MTREX: variants seen among roughly 807,000 people sequenced by gnomAD.
MTREX encodes the protein exosome RNA helicase MTR4.
Under a neutral mutation model 135.4 loss-of-function variants are expected in MTREX, and 76 were observed. The observed-to-expected ratio is 0.56, with a 90% CI of 0.47 to 0.68. The LOEUF is 0.68. MTREX is among the 30% of genes least tolerant of loss of function. MTREX has a pLI of 0.00. For synonymous variants in MTREX, 404 were observed against 401.6 expected, an observed-to-expected ratio of 1.01 and a Z score of -0.07; for missense variants, 920 against 1,262.1, an observed-to-expected ratio of 0.73 and a Z score of 4.11.
chr5:55,367,215 A>G (rs1014631599), intron 16 of MTREX, among the ~76,000 whole-genome samples: 5 of 152,166 alleles, frequency 3.3e-5, no homozygotes, highest in African/African-American at 1.2e-4. Context: ...GGCTGGGCGC[A>G]GTGGCTCATG....
chr5:55,321,087 T>C (rs1328935680), intron 1 of MTREX, among the ~76,000 whole-genome samples: 1 of 152,236 alleles, frequency 6.6e-6, no homozygotes, highest in East Asian at 1.9e-4. Context: ...CTCATGTTAA[T>C]ATGTAGTGGT....
Position 55,345,061 on chromosome 5 carries a change from G to A in MTREX, c.1006-33G>A, listed in dbSNP as rs190825792. ...ATGTTTGAATTATGATTAAGTATTA[G>A]TGAAGTTACACAGAAAAAATTTGTG... On this transcript the variant is annotated intron_variant, in intron 9 of 26. Transcript: ENST00000230640. The A allele has an allele frequency of 3.5e-3, 4,425 of 1,270,264 alleles. 7 individuals are homozygous for A. Among genetic ancestry groups the A allele is most frequent in the Non-Finnish European group, 4.5e-3 (3,966 of 877,536 alleles). The allele number at this position is 1,270,264 out of a possible 1,614,324, so 78.7% of individuals were successfully genotyped here.
At chr5:55,392,541 TAAAAAA>T in intron 19 of MTREX, among the ~76,000 whole-genome samples, 1 of 114,532 alleles carries the variant, frequency 8.7e-6, no homozygotes, top group East Asian at 2.6e-4. Flanking sequence ...GGGCTCTGTC[TAAAAAA>T]AAAAAAAAAA....
rs1381531726 is a variant in MTREX at position 55,405,535 on chromosome 5, T to TACTTCTTCTGATGTA, written c.2594_2608dup (p.Thr865_Val869dup). On this transcript the variant is annotated inframe_insertion, in exon 22 of 27. Coordinates refer to ENST00000230640, the MANE Select transcript of MTREX (RefSeq NM_015360.5). Reference sequence around the variant, plus strand: ...GTGTTTTAAGAAGGTTGGGATTTGCTACTTCTTCTGATGTAATAGAGATGA... The same window carrying TACTTCTTCTGATGTA: ...GTGTTTTAAGAAGGTTGGGATTTGCTACTTCTTCTGATGTAACTTCTTCTGATGTAATAGAGATGA... The TACTTCTTCTGATGTA allele has an allele frequency of 6.2e-7, 1 of 1,613,906 alleles. No homozygotes were observed. Among genetic ancestry groups the TACTTCTTCTGATGTA allele is most frequent in the Non-Finnish European group, 8.5e-7 (1 of 1,179,800 alleles).
At chr5:55,335,570 T>C (rs1749540923) in intron 5 of MTREX, among the ~76,000 whole-genome samples, 1 of 152,084 alleles carries the variant, frequency 6.6e-6, no homozygotes, top group Non-Finnish European at 1.5e-5. Flanking sequence ...CTTTTCCCAT[T>C]GAATTGAATT....
intron 14 of MTREX, 145 bp from the exon 15 acceptor site, chr5:55,358,428 C>G (rs888011937): frequency 4.4e-6 from 3 of 678,156 alleles, no homozygotes; most frequent in Non-Finnish European, 6.8e-6. Flanking sequence ...GACTTTAACT[C>G]TTCTCAAACT....
intron 5 of MTREX, among the ~76,000 whole-genome samples, chr5:55,335,147 G>A (rs1467136036): frequency 6.6e-6 from 1 of 151,960 alleles, no homozygotes; most frequent in Non-Finnish European, 1.5e-5. Context: ...GTTTATTTCA[G>A]TCTTGCTGAT....
At chr5:55,420,174 A>G (rs1445988441) in intron 25 of MTREX, among the ~76,000 whole-genome samples, 1 of 142,870 alleles carries the variant, frequency 7.0e-6, no homozygotes, top group Non-Finnish European at 1.6e-5. Context: ...AGCGGCAAGT[A>G]GTTGCAAGAT....
chr5:55,349,372 A>G (rs1749788567), intron 11 of MTREX, among the ~76,000 whole-genome samples: 1 of 151,930 alleles, frequency 6.6e-6, no homozygotes, highest in African/African-American at 2.4e-5. Flanking sequence ...TATTTTTTGT[A>G]GAGACAGGGC....
At chr5:55,312,195 T>A (rs1257191307) in intron 1 of MTREX, among the ~76,000 whole-genome samples, 1 of 152,158 alleles carries the variant, frequency 6.6e-6, no homozygotes, top group Non-Finnish European at 1.5e-5. Flanking sequence ...AATCCACCTA[T>A]TAAAAAAGGC....
intron 15 of MTREX, among the ~76,000 whole-genome samples, chr5:55,361,018 C>T (rs1186735714): frequency 6.6e-6 from 1 of 152,178 alleles, no homozygotes; most frequent in Non-Finnish European, 1.5e-5. Flanking sequence ...GTTTATGCTT[C>T]TAACTACTAT....
At chr5:55,339,353 G>C (rs1028609259) in intron 5 of MTREX, among the ~76,000 whole-genome samples, 1 of 152,026 alleles carries the variant, frequency 6.6e-6, no homozygotes, top group African/African-American at 2.4e-5. Flanking sequence ...TCACTGGCTG[G>C]GATGAATGTT....
chr5:55,351,185 TTAAA>T (rs1211740862), intron 13 of MTREX, among the ~76,000 whole-genome samples, 156 bp downstream of exon 13: 1 of 152,062 alleles, frequency 6.6e-6, no homozygotes, highest in African/African-American at 2.4e-5. Flanking sequence ...GATGTTATAC[TTAAA>T]TAAATCTTGA....
At chr5:55,317,107 G>A (rs943928530) in intron 1 of MTREX, among the ~76,000 whole-genome samples, 2 of 151,998 alleles carry the variant, frequency 1.3e-5, no homozygotes, top group African/African-American at 4.8e-5. Context: ...TATGCAATGA[G>A]AATTACAAAA....
intron 1 of MTREX, among the ~76,000 whole-genome samples, chr5:55,313,034 T>C (rs896358902): frequency 2.0e-5 from 3 of 152,176 alleles, no homozygotes; most frequent in African/African-American, 7.2e-5. Context: ...ATCTTTGTTT[T>C]TATAAAAAAT....
intron 1 of MTREX, among the ~76,000 whole-genome samples, chr5:55,319,248 C>T (rs923528061): frequency 2.0e-5 from 3 of 152,082 alleles, no homozygotes; most frequent in Non-Finnish European, 4.4e-5. Context: ...GTACTGTTAC[C>T]TAATCAGACT....
chr5:55,383,638 A>C (rs1750432848), intron 18 of MTREX, among the ~76,000 whole-genome samples: 1 of 152,172 alleles, frequency 6.6e-6, no homozygotes, highest in Non-Finnish European at 1.5e-5. Context: ...TTATTATGAT[A>C]AATGTATCTG....
intron 15 of MTREX, among the ~76,000 whole-genome samples, chr5:55,362,083 ATTTTT>A (rs35074192): frequency 1.8e-5 from 2 of 111,168 alleles, no homozygotes; most frequent in African/African-American, 3.9e-5. Flanking sequence ...CGTCTGGCTA[ATTTTT>A]TTTTTTTTTT....
chr5:55,343,520 TCTCC>T (rs758321459), intron 8 of MTREX, 65 bp downstream of exon 8: 12 of 1,421,068 alleles, frequency 8.4e-6, no homozygotes, highest in Non-Finnish European at 1.2e-5. Flanking sequence ...CTTGCTTTAC[TCTCC>T]CTTTGCTTTT....
Sources: gnomAD v4.1 joint callset for allele counts (sites outside exome capture counted in the v4.1 genomes callset) on GRCh38, gnomAD v4.1.1 for gene constraint, MANE v1.5 for transcripts, NCBI Gene and HGNC (gene_info 2026-07-23, HGNC 2026-07-21) for gene names.